The following C8orf34 variants were observed in gnomAD, a reference collection of about 807,000 sequenced individuals.
The protein encoded by C8orf34 is chromosome 8 open reading frame 34.
Under a neutral mutation model 68.3 loss-of-function variants are expected in C8orf34, and 65 were observed. The observed-to-expected ratio is 0.95, with a 90% confidence interval of 0.78 to 1.17. C8orf34 has a LOEUF of 1.17. C8orf34 is among the 50% of genes most tolerant of loss of function. The probability of loss-of-function intolerance (pLI) is 0.00; values close to 1 mark genes in which losing one functional copy is unlikely to be tolerated. For synonymous variants in C8orf34, 244 were observed against 241.2 expected, an observed-to-expected ratio of 1.01 and a Z score of -0.11; for missense variants, 664 against 655.4, an observed-to-expected ratio of 1.01 and a Z score of -0.14.
intron 2 of C8orf34, among the ~76,000 whole-genome samples, chr8:68,444,296 C>T (rs2129626499): frequency 6.6e-6 from 1 of 152,074 alleles, no homozygotes; most frequent in Middle Eastern, 3.4e-3. Flanking sequence ...GTTGGTTAGC[C>T]TATCTCCTCT....
intron 6 of C8orf34, among the ~76,000 whole-genome samples, chr8:68,524,734 G>A (rs939998949): frequency 9.9e-5 from 15 of 152,184 alleles, no homozygotes; most frequent in African/African-American, 3.1e-4. Flanking sequence ...ATAATCCCAT[G>A]TTTATAATAT....
intron 2 of C8orf34, among the ~76,000 whole-genome samples, chr8:68,444,940 A>G (rs959027943): frequency 6.6e-6 from 1 of 152,190 alleles, no homozygotes; most frequent in African/African-American, 2.4e-5. Flanking sequence ...AAGAATGGAT[A>G]TAGAAAGACA....
chr8:68,444,440 G>T (rs1464652686), intron 2 of C8orf34, among the ~76,000 whole-genome samples: 1 of 151,742 alleles, frequency 6.6e-6, no homozygotes, highest in East Asian at 1.9e-4. Context: ...CCTCTCCATT[G>T]TGAATACTGT....
intron 8 of C8orf34, among the ~76,000 whole-genome samples, chr8:68,696,524 A>T (rs1464011168): frequency 6.6e-6 from 1 of 151,670 alleles, no homozygotes; most frequent in Non-Finnish European, 1.5e-5. Flanking sequence ...AAATTCCTCA[A>T]AAGGAATTGA....
chr8:68,783,537 A>G (rs1823754148), intron 11 of C8orf34, among the ~76,000 whole-genome samples: 1 of 151,462 alleles, frequency 6.6e-6, no homozygotes, highest in Non-Finnish European at 1.5e-5. Flanking sequence ...AAAAAAAAAA[A>G]AAAAAAAAAG....
At chr8:68,679,788 G>C (rs529948239) in intron 8 of C8orf34, among the ~76,000 whole-genome samples, 10 of 152,076 alleles carry the variant, frequency 6.6e-5, no homozygotes, top group African/African-American at 2.2e-4. Flanking sequence ...CATTTAAAGT[G>C]AACTCGTTTT....
intron 4 of C8orf34, among the ~76,000 whole-genome samples, chr8:68,475,093 G>A (rs769123922): frequency 4.6e-5 from 7 of 152,072 alleles, no homozygotes; most frequent in African/African-American, 1.2e-4. Flanking sequence ...GCACTCCCTC[G>A]AGGTTCCCCC....
chr8:68,341,205 A>G (rs1806055708), intron 1 of C8orf34, among the ~76,000 whole-genome samples: 1 of 152,168 alleles, frequency 6.6e-6, no homozygotes, highest in East Asian at 1.9e-4. Flanking sequence ...GTGTGTCTTC[A>G]CATGGAAAGG....
At chr8:68,665,599 A>G (rs1322838763) in intron 8 of C8orf34, among the ~76,000 whole-genome samples, 6 of 152,192 alleles carry the variant, frequency 3.9e-5, no homozygotes, top group Non-Finnish European at 8.8e-5. Flanking sequence ...ACCAGCAATC[A>G]CAATGACCTT....
chr8:68,565,380 T>C (rs571731192), intron 7 of C8orf34, among the ~76,000 whole-genome samples: 3 of 152,254 alleles, frequency 2.0e-5, no homozygotes, highest in African/African-American at 4.8e-5. Flanking sequence ...GCTTGTCCAA[T>C]GGTTACAGGT....
chr8:68,462,234 G>A (rs1344873716), intron 3 of C8orf34, among the ~76,000 whole-genome samples: 1 of 152,070 alleles, frequency 6.6e-6, no homozygotes, highest in South Asian at 2.1e-4. Context: ...TCAACAAGAA[G>A]AGCTAACTAT....
intron 10 of C8orf34, among the ~76,000 whole-genome samples, chr8:68,767,617 C>CCATT (rs1404378869): frequency 1.3e-5 from 2 of 152,144 alleles, no homozygotes; most frequent in African/African-American, 2.4e-5. Flanking sequence ...TTTGGTATGA[C>CCATT]CATTCATTCA....
At chr8:68,369,128 A>T (rs557114395) in intron 1 of C8orf34, among the ~76,000 whole-genome samples, 12 of 152,326 alleles carry the variant, frequency 7.9e-5, no homozygotes, top group Admixed American at 2.0e-4. Flanking sequence ...AGTAATAAAT[A>T]TTTTTATCCT....
chr8:68,585,844 G>C (rs1023174203), intron 7 of C8orf34, among the ~76,000 whole-genome samples: 4 of 152,136 alleles, frequency 2.6e-5, no homozygotes, highest in African/African-American at 9.7e-5. Context: ...GAAAGAGAAA[G>C]AGAGGCAGAC....
intron 3 of C8orf34, among the ~76,000 whole-genome samples, chr8:68,460,940 A>G (rs148966031): frequency 0.011 from 1,710 of 152,372 alleles, 43 homozygotes; most frequent in African/African-American, 0.039. Context: ...AAAGCTGGAC[A>G]GAGAATGACA....
chr8:68,385,275 A>G (rs1038033511), intron 1 of C8orf34, among the ~76,000 whole-genome samples: 3 of 152,206 alleles, frequency 2.0e-5, no homozygotes, highest in Non-Finnish European at 4.4e-5. Flanking sequence ...GTCCAAGGTC[A>G]CACACCAAAC....
At chr8:68,661,930 C>T (rs1865442) in intron 8 of C8orf34, among the ~76,000 whole-genome samples, 21,151 of 151,924 alleles carry the variant, frequency 0.14, 1,612 homozygotes, top group Middle Eastern at 0.23. Context: ...GGAAGACTTT[C>T]TCTCTACCCT....
intron 7 of C8orf34, among the ~76,000 whole-genome samples, chr8:68,539,481 T>C (rs1394567998): frequency 6.6e-6 from 1 of 152,224 alleles, no homozygotes; most frequent in Non-Finnish European, 1.5e-5. Flanking sequence ...TGTATAACTA[T>C]AGGAATCCAT....
At chr8:68,727,830 A>G (rs1334225019) in intron 10 of C8orf34, among the ~76,000 whole-genome samples, 1 of 152,178 alleles carries the variant, frequency 6.6e-6, no homozygotes, top group East Asian at 1.9e-4. Flanking sequence ...TGCACACAGC[A>G]TAGGGACCCT....
Sources: allele counts gnomAD v4.1 joint callset (sites outside exome capture counted in the v4.1 genomes callset), GRCh38; gene constraint gnomAD v4.1.1; transcripts MANE v1.5; gene names NCBI Gene and HGNC (gene_info 2026-07-23, HGNC 2026-07-21).